The following MAP2K5 variants were observed in gnomAD, a reference collection of about 807,000 sequenced individuals.
The protein encoded by MAP2K5 is mitogen-activated protein kinase kinase 5.
A neutral mutation model predicts 83.1 loss-of-function variants in MAP2K5; 49 were observed. The observed-to-expected ratio is 0.59, with a 90% CI of 0.47 to 0.75. The LOEUF is 0.75. Among genes scored for constraint, MAP2K5 ranks in the 30% least tolerant of loss-of-function variants. MAP2K5 has a pLI of 0.00. For missense variants in MAP2K5, 457 were observed against 557.5 expected (o/e 0.82, Z 1.82); for synonymous variants, 202 against 191.8 (o/e 1.05, Z -0.44).
chr15:67,699,453 G>A (rs2088356020), intron 15 of MAP2K5, among the ~76,000 whole-genome samples: 1 of 152,198 alleles, frequency 6.6e-6, no homozygotes, highest in Non-Finnish European at 1.5e-5. Context: ...TGAAGAGGAG[G>A]CATCTGGAAC....
chr15:67,649,273 G>A (rs984221632), intron 11 of MAP2K5, among the ~76,000 whole-genome samples: 2 of 152,054 alleles, frequency 1.3e-5, no homozygotes, highest in African/African-American at 4.8e-5. Flanking sequence ...AATTCTTTAT[G>A]TATTCTAATA....
Position 67,543,812 on chromosome 15 carries a change from A to G in MAP2K5, c.135+342A>G, listed in dbSNP as rs1012427834. The stretch of plus-strand genomic sequence containing the variant: ...CAAGTGTTTCGGGGAATGTCCTTGG[A>G]CAGATTCCAGCCTTGTTTTTCTACT... On this transcript the variant is annotated intron_variant, in intron 1 of 21. Transcript: ENST00000178640. This position sits in a 1 kb window ranked among gnomAD's most constrained non-coding sequence, Gnocchi z 4.3. Among the ~76,000 whole-genome samples, 2 of 152,164 alleles carry G rather than the reference A, an allele frequency of 1.3e-5. No homozygotes were observed. The highest frequency in any genetic ancestry group is 2.9e-5 in the Non-Finnish European group (2 of 68,018).
intron 7 of MAP2K5, among the ~76,000 whole-genome samples, chr15:67,597,220 A>G (rs1377817973): frequency 6.6e-6 from 1 of 152,124 alleles, no homozygotes; most frequent in South Asian, 2.1e-4. Context: ...GTTGTTGAAT[A>G]AAAAGCTCTC....
intron 4 of MAP2K5, among the ~76,000 whole-genome samples, chr15:67,581,060 A>G (rs575251890): frequency 2.0e-5 from 3 of 152,310 alleles, no homozygotes; most frequent in African/African-American, 7.2e-5. Flanking sequence ...TGAAGTACAT[A>G]CTTACATTAG....
chr15:67,741,662 G>A (rs530020218), intron 17 of MAP2K5, among the ~76,000 whole-genome samples: 1 of 152,246 alleles, frequency 6.6e-6, no homozygotes, highest in East Asian at 1.9e-4. Context: ...GGGGGTGGGG[G>A]AGTGTTGTTG....
At position 67,720,064 on chromosome 15, in the gene MAP2K5, G is replaced by GTTTTTA. The variant is rs2088917760; in HGVS notation, c.1045-7852_1045-7851insTTTTTA. Among the ~76,000 whole-genome samples, 1 of 152,206 alleles carries GTTTTTA rather than the reference G, an allele frequency of 6.6e-6. No homozygotes were observed. Among genetic ancestry groups the GTTTTTA allele is most frequent in the East Asian group, 1.9e-4 (1 of 5,182 alleles). ...AGTGTCTGTAAAGCTACAAAAGTGG[G>GTTTTTA]CATTTTTAAATTGAGGGTTTTTTCC... is the stretch of plus-strand genomic sequence containing the variant. On this transcript the variant is annotated intron_variant, in intron 16 of 21. Coordinates refer to ENST00000178640, the MANE Select transcript of MAP2K5 (RefSeq NM_145160.3). This position sits in a 1 kb window ranked among gnomAD's most constrained non-coding sequence, Gnocchi z 5.7.
At chr15:67,589,371 G>A (rs568732008) in intron 6 of MAP2K5, among the ~76,000 whole-genome samples, 20 of 152,110 alleles carry the variant, frequency 1.3e-4, no homozygotes, top group Admixed American at 9.8e-4. Flanking sequence ...TTTGCCTTAG[G>A]TGAATAACTG....
At chr15:67,683,966 A>G (rs760140297) in intron 13 of MAP2K5, among the ~76,000 whole-genome samples, 18 of 152,200 alleles carry the variant, frequency 1.2e-4, no homozygotes, top group Non-Finnish European at 1.8e-4. Context: ...CTATCACCCA[A>G]GCTGTCTGCA....
intron 8 of MAP2K5, among the ~76,000 whole-genome samples, chr15:67,624,254 G>T (rs2086257045): frequency 6.6e-6 from 1 of 150,464 alleles, no homozygotes; most frequent in Non-Finnish European, 1.5e-5. Flanking sequence ...CAGGAGAATG[G>T]TGTGAACCCG....
chr15:67,689,539 T>C (rs2088047400), intron 13 of MAP2K5, among the ~76,000 whole-genome samples: 1 of 152,156 alleles, frequency 6.6e-6, no homozygotes, highest in Admixed American at 6.5e-5. Flanking sequence ...ATGCAAAGAT[T>C]GATTTGAGGA....
intron 17 of MAP2K5, among the ~76,000 whole-genome samples, chr15:67,729,687 C>T (rs2141249852): frequency 6.6e-6 from 1 of 152,190 alleles, no homozygotes; most frequent in East Asian, 1.9e-4. Context: ...TGGCTTGAAC[C>T]CGGGAGGTGG....
At chr15:67,659,501 C>T (rs751848693) in intron 12 of MAP2K5, 6 of 152,082 alleles carry the variant, frequency 3.9e-5, no homozygotes, top group Non-Finnish European at 7.4e-5. Flanking sequence ...GTGAAGTGCC[C>T]TGGGTGATGA....
rs1254119485 is a variant in MAP2K5 at position 67,749,878 on chromosome 15, A to C, written c.1134+1277A>C. Among the ~76,000 whole-genome samples, 2 of 152,148 alleles carry C rather than the reference A, an allele frequency of 1.3e-5. No homozygotes were observed. Among genetic ancestry groups the C allele is most frequent in the Non-Finnish European group, 2.9e-5 (2 of 68,016 alleles). ...GTCCCCCTCCAGTTTTGCTTGAGGA[A>C]GTGTCTGGGGAAACTTGCCTACCCA... On this transcript the variant is annotated intron_variant, in intron 19 of 21. Coordinates refer to ENST00000178640, the MANE Select transcript of MAP2K5 (RefSeq NM_145160.3). This position sits in a 1 kb window ranked among gnomAD's most constrained non-coding sequence, Gnocchi z 4.6.
rs183860205 is a variant in MAP2K5 at position 67,590,139 on chromosome 15, C to T, written c.432-2787C>T. On this transcript the variant is annotated intron_variant, in intron 6 of 21. Coordinates refer to ENST00000178640, the MANE Select transcript of MAP2K5 (RefSeq NM_145160.3). ...GTGGTGGGACATTAAAGTCAAGAACCCTTGGATGAAGACATGCTTTATAAA... is the reference window on the plus strand; with the variant it reads ...GTGGTGGGACATTAAAGTCAAGAACTCTTGGATGAAGACATGCTTTATAAA... 2.0e-3 allele frequency among the ~76,000 whole-genome samples: 310 copies of T among 152,028 alleles called. 1 individual carries two copies. Among genetic ancestry groups the T allele is most frequent in the African/African-American group, 7.2e-3 (299 of 41,454 alleles).
chr15:67,621,284 A>G (rs1326124021), intron 8 of MAP2K5, among the ~76,000 whole-genome samples: 1 of 152,162 alleles, frequency 6.6e-6, no homozygotes, highest in East Asian at 1.9e-4. Flanking sequence ...GCACCAAAGT[A>G]ATTCTTAAAG....
At chr15:67,763,651 T>A (rs992263038) in intron 19 of MAP2K5, among the ~76,000 whole-genome samples, 3 of 152,042 alleles carry the variant, frequency 2.0e-5, no homozygotes, top group East Asian at 3.9e-4. Context: ...TTTTTAGATT[T>A]TTTTTTTTAA....
At chr15:67,771,136 TACC>T (rs2090133357) in intron 20 of MAP2K5, among the ~76,000 whole-genome samples, 1 of 712 alleles carries the variant, frequency 1.4e-3, no homozygotes, top group Non-Finnish European at 3.0e-3. Context: ...TGGTAATGTG[TACC>T]ATGTGTTTTA....
In MAP2K5 at chr15:67,693,567, C is replaced by A; in HGVS notation, c.971C>A (p.Ala324Glu). ...KTYVGTNAYMAPERISGEQYG... is the reference protein window; with the variant it reads ...KTYVGTNAYMEPERISGEQYG... ...TATGTTGGAACAAATGCTTATATGGCGGTAAGTAAACTTATGCAAAAATAA... is the reference window on the plus strand; with the variant it reads ...TATGTTGGAACAAATGCTTATATGGAGGTAAGTAAACTTATGCAAAAATAA... Residue 324 changes from alanine to glutamate, a missense_variant and splice_region_variant, in exon 15 of 22, where the codon GCG becomes GAG. Transcript: ENST00000178640. 2 of 1,608,880 alleles carry A rather than the reference C, an allele frequency of 1.2e-6. No homozygotes were observed. The highest frequency in any genetic ancestry group is 2.2e-5 in the East Asian group (1 of 44,708).
At chr15:67,580,492 A>G (rs2085154853) in intron 3 of MAP2K5, among the ~76,000 whole-genome samples, 1 of 151,974 alleles carries the variant, frequency 6.6e-6, no homozygotes, top group Admixed American at 6.6e-5. Flanking sequence ...TCATTTTCAA[A>G]TATTTCTTAA....
Sources: gnomAD v4.1 joint callset for allele counts (sites outside exome capture counted in the v4.1 genomes callset) on GRCh38, gnomAD v4.1.1 for gene constraint, Gnocchi (gnomAD v3.1) non-coding constraint, MANE v1.5 for transcripts, NCBI Gene and HGNC (gene_info 2026-07-23, HGNC 2026-07-21) for gene names.